The following MAN2A1 variants were observed in gnomAD, a reference collection of about 807,000 sequenced individuals.
MAN2A1 encodes the protein alpha-mannosidase 2.
In MAN2A1, 76 loss-of-function variants were observed where a neutral mutation model predicts 142.6. The ratio of observed to expected loss-of-function variants is 0.53; its 90% CI spans 0.44 to 0.65. MAN2A1 has a LOEUF of 0.65. Ranked by LOEUF, MAN2A1 falls within the 30% of genes least tolerant of loss-of-function variation. The pLI is 0.00. For missense variants in MAN2A1, 1,311 were observed against 1,365.1 expected, an observed-to-expected ratio of 0.96 and a Z score of 0.62; for synonymous variants, 559 against 473.2, an observed-to-expected ratio of 1.18 and a Z score of -2.35.
At chr5:109,773,250 G>A (rs1348191697) in intron 7 of MAN2A1, among the ~76,000 whole-genome samples, 1 of 152,124 alleles carries the variant, frequency 6.6e-6, no homozygotes, top group Non-Finnish European at 1.5e-5. Flanking sequence ...GACACTTTCT[G>A]GACAGGCTTG....
At chr5:109,786,480 G>A (rs573505651) in intron 10 of MAN2A1, among the ~76,000 whole-genome samples, 16 of 152,020 alleles carry the variant, frequency 1.1e-4, no homozygotes, top group Non-Finnish European at 2.1e-4. Flanking sequence ...GCTATCATTG[G>A]TTCCTCCATA....
intron 5 of MAN2A1, among the ~76,000 whole-genome samples, chr5:109,766,576 G>T (rs1037687724): frequency 6.6e-6 from 1 of 151,988 alleles, no homozygotes; most frequent in Non-Finnish European, 1.5e-5. Context: ...GTTACTTTGT[G>T]TTACACTTAT....
At chr5:109,855,393 G>T in intron 20 of MAN2A1, 59 bp downstream of exon 20, 1 of 1,144,424 alleles carries the variant, frequency 8.7e-7, no homozygotes, top group Non-Finnish European at 1.2e-6. Context: ...TGTTTTAAGG[G>T]GGTAAGGAAA....
chr5:109,701,120 C>T (rs555901671), intron 1 of MAN2A1, among the ~76,000 whole-genome samples: 99 of 152,150 alleles, frequency 6.5e-4, no homozygotes, highest in Non-Finnish European at 1.1e-3. Flanking sequence ...TCTGGGAATA[C>T]AGGAGCTAAG....
At chr5:109,817,503 G>A in intron 13 of MAN2A1, 65 bp downstream of exon 13, 1 of 1,465,512 alleles carries the variant, frequency 6.8e-7, no homozygotes, top group East Asian at 2.3e-5. Context: ...TATAATTTGT[G>A]TATGTACAGT....
intron 12 of MAN2A1, among the ~76,000 whole-genome samples, chr5:109,799,795 A>G (rs1008661): frequency 0.38 from 57,073 of 150,586 alleles, 11,758 homozygotes; most frequent in African/African-American, 0.55. Context: ...ACAACAAAAA[A>G]TCTCCAATCT....
At chr5:109,800,588 T>C (rs1050158359) in intron 12 of MAN2A1, among the ~76,000 whole-genome samples, 4 of 152,192 alleles carry the variant, frequency 2.6e-5, no homozygotes, top group Admixed American at 1.3e-4. Context: ...TTATCAGTAA[T>C]GAATTGGTCA....
chr5:109,849,600 C>T (rs1309729734), intron 19 of MAN2A1, among the ~76,000 whole-genome samples: 1 of 152,152 alleles, frequency 6.6e-6, no homozygotes, highest in Non-Finnish European at 1.5e-5. Context: ...CTTCCACCAC[C>T]CTAATCTAAA....
At chr5:109,778,350 C>A (rs1414650595) in intron 8 of MAN2A1, among the ~76,000 whole-genome samples, 1 of 151,982 alleles carries the variant, frequency 6.6e-6, no homozygotes, top group Non-Finnish European at 1.5e-5. Context: ...AGCTTTAAAT[C>A]TTTCCATCTA....
chr5:109,715,647 A>G (rs1225682477), intron 2 of MAN2A1, among the ~76,000 whole-genome samples: 1 of 152,208 alleles, frequency 6.6e-6, no homozygotes, highest in African/African-American at 2.4e-5. Context: ...CAGAATAGCT[A>G]TAGATAGATA....
intron 12 of MAN2A1, among the ~76,000 whole-genome samples, chr5:109,802,365 A>G (rs528456540): frequency 1.2e-4 from 19 of 152,300 alleles, no homozygotes; most frequent in African/African-American, 4.1e-4. Flanking sequence ...AAGATTCTAT[A>G]AAGCTTCATG....
chr5:109,849,618 C>T (rs1418451706), intron 19 of MAN2A1, among the ~76,000 whole-genome samples: 2 of 152,162 alleles, frequency 1.3e-5, no homozygotes, highest in Non-Finnish European at 2.9e-5. Flanking sequence ...AAAGTGACTT[C>T]CTGTATTTCC....
chr5:109,767,735 C>T, intron 6 of MAN2A1, 27 bp downstream of exon 6: 1 of 1,590,634 alleles, frequency 6.3e-7, no homozygotes, highest in East Asian at 2.2e-5. Context: ...GAAAGTTGAT[C>T]CCATTTGGCC....
rs1285242873 is a variant in MAN2A1, at chr5:109,690,680, T to TG, written c.135+129dup. The TG allele has an allele frequency of 3.7e-5, 39 of 1,066,386 alleles. No homozygotes were observed. The African/African-American group carries it at 6.2e-4, about 17-fold the overall frequency. The allele number at this position is 1,066,386 out of a possible 1,614,324, so 66.1% of individuals were successfully genotyped here. A position where few individuals can be genotyped will look rare whatever the true frequency, so the allele number is the denominator to read the frequency against. On this transcript the variant is annotated intron_variant, in intron 1 of 21. Transcript: ENST00000261483. ...CCGTGCTGGGCGAGGCCAGGGGCTCTGTAGCTCTCGGACGGCAATGATCAC... is the reference window on the plus strand; with the variant it reads ...CCGTGCTGGGCGAGGCCAGGGGCTCTGGTAGCTCTCGGACGGCAATGATCAC...
At chr5:109,753,241 A>G (rs891320167) in intron 4 of MAN2A1, among the ~76,000 whole-genome samples, 1 of 152,236 alleles carries the variant, frequency 6.6e-6, no homozygotes, top group African/African-American at 2.4e-5. Context: ...CATAAGGGGC[A>G]GGTTTGGTCC....
intron 19 of MAN2A1, among the ~76,000 whole-genome samples, chr5:109,848,283 T>C (rs181979122): frequency 4.8e-4 from 73 of 152,324 alleles, no homozygotes; most frequent in African/African-American, 1.3e-3. Flanking sequence ...AATCTAGTAC[T>C]CTGTGTTGAA....
At chr5:109,752,088 C>T (rs1385149142) in intron 4 of MAN2A1, among the ~76,000 whole-genome samples, 1 of 152,146 alleles carries the variant, frequency 6.6e-6, no homozygotes, top group Non-Finnish European at 1.5e-5. Context: ...TTCCGTTAGA[C>T]ACCTGGAATT....
intron 3 of MAN2A1, among the ~76,000 whole-genome samples, chr5:109,728,543 A>G (rs1310006981): frequency 6.6e-6 from 1 of 152,088 alleles, no homozygotes; most frequent in African/African-American, 2.4e-5. Context: ...TTGTGGTGCT[A>G]TGTTTGCACC....
At chr5:109,720,244 CCCTTGTGG>C (rs1361169472) in intron 3 of MAN2A1, among the ~76,000 whole-genome samples, 1 of 152,048 alleles carries the variant, frequency 6.6e-6, no homozygotes, top group East Asian at 1.9e-4. Flanking sequence ...AAAATAATCC[CCCTTGTGG>C]TATGACTCTA....
Sources: allele counts gnomAD v4.1 joint callset (sites outside exome capture counted in the v4.1 genomes callset), GRCh38; gene constraint gnomAD v4.1.1; transcripts MANE v1.5; gene names NCBI Gene and HGNC (gene_info 2026-07-23, HGNC 2026-07-21).